SGCE: variants seen among roughly 807,000 people sequenced by gnomAD.
The protein encoded by SGCE is epsilon-sarcoglycan.
In SGCE, 26 loss-of-function variants were observed where a neutral mutation model predicts 57.8. The ratio of observed to expected loss-of-function variants is 0.45; its 90% confidence interval spans 0.33 to 0.62. The LOEUF (loss-of-function observed/expected upper bound fraction) is 0.62, where lower values mean the gene tolerates loss of function less well. SGCE is among the 20% of genes least tolerant of loss of function. The pLI is 0.02. For synonymous variants in SGCE, 183 were observed against 189.5 expected (o/e 0.97, Z 0.28); for missense variants, 468 against 548.6 (o/e 0.85, Z 1.47).
chr7:94,603,285 C>A lies in SGCE; in HGVS notation c.825+5G>T. The A allele has an allele frequency of 6.2e-7, 1 of 1,609,346 alleles. No homozygotes were observed. ...TAAACTTGCAAAAACAAAATAAAAA[C>A]TTACCAATGAAATTTTGCACCAGTC... On this transcript the variant is annotated splice_donor_5th_base_variant and intron_variant, in intron 6 of 10. Coordinates refer to ENST00000648936, the MANE Select transcript of SGCE (RefSeq NM_003919.3).
chr7:94,604,782 A>AT (rs1799793067), intron 5 of SGCE, among the ~76,000 whole-genome samples: 1 of 114,568 alleles, frequency 8.7e-6, no homozygotes, highest in South Asian at 2.8e-4. Context: ...TCATAGAATT[A>AT]TTTTTTATAA....
At chr7:94,588,539 ATTCTG>A (rs1797218702) in intron 10 of SGCE, 145 bp downstream of exon 10, 6 of 1,486,478 alleles carry the variant, frequency 4.0e-6, no homozygotes, top group Non-Finnish European at 5.3e-6. Context: ...CTAAGCTATT[ATTCTG>A]AGGTTTTAAG....
chr7:94,591,044 G>A (rs536311143), intron 9 of SGCE, among the ~76,000 whole-genome samples: 255 of 152,154 alleles, frequency 1.7e-3, no homozygotes, highest in Non-Finnish European at 2.2e-3. Flanking sequence ...AATTCATCCC[G>A]ACGATTATAT....
intron 6 of SGCE, among the ~76,000 whole-genome samples, chr7:94,602,705 A>C (rs1309389180): frequency 6.6e-6 from 1 of 152,188 alleles, no homozygotes; most frequent in African/African-American, 2.4e-5. Flanking sequence ...CACATATCTT[A>C]CATATATTTG....
At chr7:94,639,578 T>A in intron 1 of SGCE, 1 of 618,346 alleles carries the variant, frequency 1.6e-6, no homozygotes, top group East Asian at 2.8e-5. Flanking sequence ...TTAATTCTAG[T>A]CAGCAAATAT....
intron 5 of SGCE, chr7:94,616,745 G>A (rs985531523): frequency 1.3e-5 from 2 of 152,002 alleles, no homozygotes; most frequent in Admixed American, 6.5e-5. Context: ...CATTTGCAGC[G>A]ACAAACTTTT....
intron 4 of SGCE, chr7:94,620,992 T>A (rs1238419708): frequency 6.6e-6 from 1 of 152,208 alleles, no homozygotes; most frequent in Non-Finnish European, 1.5e-5. Flanking sequence ...TCTGAGGCAC[T>A]AAACCCAATT....
chr7:94,586,280 C>T (rs1430970525), intron 10 of SGCE, among the ~76,000 whole-genome samples: 1 of 151,914 alleles, frequency 6.6e-6, no homozygotes, highest in Non-Finnish European at 1.5e-5. Flanking sequence ...AATGTAGCTG[C>T]CTCTATGCAG....
chr7:94,619,129 A>T (rs199571725), intron 4 of SGCE, 173 bp from the exon 5 acceptor site: 6 of 616,328 alleles, frequency 9.7e-6, no homozygotes, highest in Non-Finnish European at 1.7e-5. Context: ...TAAAAACATA[A>T]CTGACATTAG....
chr7:94,590,919 T>C (rs983971207), intron 9 of SGCE: 2 of 152,224 alleles, frequency 1.3e-5, no homozygotes, highest in African/African-American at 4.8e-5. Flanking sequence ...GTTTAAACTC[T>C]TAATCTATAG....
chr7:94,619,032 G>C, intron 4 of SGCE, 76 bp from the exon 5 acceptor site: 1 of 1,040,260 alleles, frequency 9.6e-7, no homozygotes, highest in Non-Finnish European at 1.5e-6. Context: ...AACAATTTGC[G>C]ATTTGTTGAG....
At chr7:94,587,871 A>G (rs982282001) in intron 10 of SGCE, 32 of 1,518,982 alleles carry the variant, frequency 2.1e-5, no homozygotes, top group African/African-American at 1.4e-5. Flanking sequence ...CATCCAACAC[A>G]TTTCTGAATG....
chr7:94,588,971 C>T, intron 9 of SGCE: 1 of 527,784 alleles, frequency 1.9e-6, no homozygotes, highest in Non-Finnish European at 3.4e-6. Flanking sequence ...CTCTAAAGTA[C>T]CTCACAACAA....
rs1199653379 is a variant in SGCE at position 94,596,882 on chromosome 7, A to C, written c.1253+1893T>G. ...ATTTCACTGGCACGCTAGGGTAAAC[A>C]ATATCAGAAATAATAACCTTAAAGA... On this transcript the variant is annotated intron_variant, in intron 9 of 10. Transcript: ENST00000648936. Among the ~76,000 whole-genome samples the C allele has an allele frequency of 2.0e-5, 3 of 152,174 alleles. No individual in the cohort carries two copies. In the East Asian group the frequency reaches 5.8e-4, roughly 29 times the overall value.
chr7:94,615,813 A>G (rs1231053748), intron 5 of SGCE, among the ~76,000 whole-genome samples: 1 of 152,158 alleles, frequency 6.6e-6, no homozygotes, highest in East Asian at 1.9e-4. Flanking sequence ...CAGCCATGAC[A>G]TGCCTGGAAT....
At chr7:94,611,357 G>C (rs554671502) in intron 5 of SGCE, among the ~76,000 whole-genome samples, 5 of 152,002 alleles carry the variant, frequency 3.3e-5, no homozygotes, top group African/African-American at 1.2e-4. Context: ...GATGAAACTT[G>C]AAAATGTTAT....
At chr7:94,642,526 C>T (rs1806537156) in intron 1 of SGCE, among the ~76,000 whole-genome samples, 1 of 152,152 alleles carries the variant, frequency 6.6e-6, no homozygotes, top group African/African-American at 2.4e-5. Flanking sequence ...ATTCATGACT[C>T]CACCATGGAG....
intron 3 of SGCE, chr7:94,625,722 A>G (rs537413346): frequency 2.6e-5 from 4 of 152,198 alleles, no homozygotes; most frequent in African/African-American, 9.6e-5. Flanking sequence ...GGGCAAGCTT[A>G]AGTTCACTAT....
At chr7:94,647,950 A>C (rs1438322202) in intron 1 of SGCE, among the ~76,000 whole-genome samples, 3 of 152,148 alleles carry the variant, frequency 2.0e-5, no homozygotes. Context: ...TAATCAAATA[A>C]TCTTGAAAAA....
Sources: allele counts gnomAD v4.1 joint callset (sites outside exome capture counted in the v4.1 genomes callset), GRCh38; gene constraint gnomAD v4.1.1; transcripts MANE v1.5; gene names NCBI Gene and HGNC (gene_info 2026-07-23, HGNC 2026-07-21).